Variants in ZNF274 observed in about 807,000 individuals in gnomAD.
The protein encoded by ZNF274 is zinc finger protein 274, also known as neurotrophin receptor-interacting factor homolog.
Under a neutral mutation model 42.5 loss-of-function variants are expected in ZNF274, and 23 were observed. The observed-to-expected ratio is 0.54, with a 90% CI of 0.39 to 0.77. ZNF274 has a LOEUF of 0.77. Ranked by LOEUF, ZNF274 falls within the 30% of genes least tolerant of loss-of-function variation. The probability of loss-of-function intolerance (pLI) is 0.00; values close to 1 mark genes in which losing one functional copy is unlikely to be tolerated. For synonymous variants in ZNF274, 292 were observed against 305.4 expected (o/e 0.96, Z 0.46); for missense variants, 679 against 806.5 (o/e 0.84, Z 1.91).
chr19:58,211,747 AG>A lies in ZNF274; in HGVS notation c.979+65del. The A allele has an allele frequency of 6.4e-7, 1 of 1,561,300 alleles. No homozygotes were observed. Among genetic ancestry groups the A allele is most frequent in the Non-Finnish European group, 8.7e-7 (1 of 1,151,806 alleles). On this transcript the variant is annotated intron_variant, in intron 7 of 7. Transcript: ENST00000617501. This position sits in a 1 kb window ranked among gnomAD's most constrained non-coding sequence, Gnocchi z 4.8. ...TGGTAGGCCACAGGAGCCCCAAGTC[AG>A]GGGTGTTCACCTTCTCTAGACTCCA...
Position 58,210,046 on chromosome 19 carries a change from C to T in ZNF274, c.825C>T (p.Ala275=). 1 of 1,613,796 alleles carries T rather than the reference C, an allele frequency of 6.2e-7. No individual in the cohort carries two copies. Among genetic ancestry groups the T allele is most frequent in the Middle Eastern group, 1.7e-4 (1 of 6,046 alleles). The change falls in exon 6 of 8, where the codon GCC becomes GCT. Residue 275 remains alanine, a synonymous_variant. Transcript: ENST00000617501. ...AQQEEKQEDA[A]ICPVTVLPEE... is the part of the protein sequence containing the mutation. ...AGGAGGAGAAGCAGGAGGATGCAGC[C>T]ATCTGCCCAGTGACAGTGCTCCCTG...
rs200982136 is a variant in ZNF274, at chr19:58,188,658, A to ATGTGTGTG, written c.256+1628_256+1635dup. Among the ~76,000 whole-genome samples the ATGTGTGTG allele has an allele frequency of 4.2e-3, 437 of 102,860 alleles. 1 individual carries two copies. The highest frequency in any genetic ancestry group is 5.9e-3 in the Non-Finnish European group (330 of 56,002). 67.5% of individuals were successfully genotyped at this position (102,860 alleles called of 152,430 possible). On this transcript the variant is annotated intron_variant, in intron 4 of 7. Transcript: ENST00000617501. ...ATATATATATATATGTAAAAAATAG[A>ATGTGTGTG]TGTGTGTGTGTGTGTGTGTATATAT...
At chr19:58,193,295 C>T (rs538024315) in intron 4 of ZNF274, among the ~76,000 whole-genome samples, 392 of 148,652 alleles carry the variant, frequency 2.6e-3, no homozygotes, top group Non-Finnish European at 4.3e-3. Flanking sequence ...TACAGGCGCC[C>T]GCCACCACGC....
At chr19:58,195,709 G>A (rs1031318705) in intron 4 of ZNF274, among the ~76,000 whole-genome samples, 4 of 152,144 alleles carry the variant, frequency 2.6e-5, no homozygotes, top group East Asian at 1.9e-4. Flanking sequence ...CAGTTTTTCC[G>A]TGGACCTTGG....
intron 4 of ZNF274, among the ~76,000 whole-genome samples, chr19:58,195,645 G>A (rs2075833077): frequency 6.6e-6 from 1 of 152,182 alleles, no homozygotes; most frequent in East Asian, 1.9e-4. Context: ...AAGAATGGCA[G>A]TCAAGTCAGC....
At chr19:58,209,751 G>A (rs1334418562) in intron 5 of ZNF274, 5 of 483,038 alleles carry the variant, frequency 1.0e-5, no homozygotes, top group Admixed American at 3.7e-5. Flanking sequence ...TGGAGGGTGA[G>A]CCATCCCGGG....
intron 4 of ZNF274, among the ~76,000 whole-genome samples, chr19:58,193,304 G>T (rs1047016779): frequency 7.3e-5 from 11 of 151,402 alleles, no homozygotes; most frequent in African/African-American, 2.7e-4. Flanking sequence ...CCGCCACCAC[G>T]CCCAGCTAAA....
At chr19:58,194,359 T>A (rs1482859502) in intron 4 of ZNF274, among the ~76,000 whole-genome samples, 1 of 150,368 alleles carries the variant, frequency 6.7e-6, no homozygotes, top group Non-Finnish European at 1.5e-5. Context: ...TTTTTTGTGT[T>A]TTGTTTTTTA....
At position 58,211,744 on chromosome 19, in the gene ZNF274, G is replaced by A; in HGVS notation, c.979+58G>A. 2.6e-6 allele frequency: 4 copies of A among 1,564,476 alleles called. No individual in the cohort carries two copies. The Admixed American group carries it at 7.3e-5, about 29-fold the overall frequency. ...GGCTGGTAGGCCACAGGAGCCCCAA[G>A]TCAGGGGTGTTCACCTTCTCTAGAC... On this transcript the variant is annotated intron_variant, in intron 7 of 7. Coordinates refer to ENST00000617501, the MANE Select transcript of ZNF274 (RefSeq NM_133502.3). This position sits in a 1 kb window ranked among gnomAD's most constrained non-coding sequence, Gnocchi z 4.8.
At position 58,188,694 on chromosome 19, in the gene ZNF274, G is replaced by GTATATATATATATATATA. The variant is rs71925177; in HGVS notation, c.256+1665_256+1682dup. Reference sequence around the variant, plus strand: ...TGTGTGTGTATATATATATGTATATGTATATATATATATATATATATATAT... The same window carrying GTATATATATATATATATA: ...TGTGTGTGTATATATATATGTATATGTATATATATATATATATATATATATATATATATATATATATAT... On this transcript the variant is annotated intron_variant, in intron 4 of 7. Transcript: ENST00000617501. Among the ~76,000 whole-genome samples, 193 of 74,594 alleles carry GTATATATATATATATATA rather than the reference G, an allele frequency of 2.6e-3. 1 individual carries two copies. The highest frequency in any genetic ancestry group is 3.5e-3 in the Non-Finnish European group (140 of 39,858). 48.9% of individuals were successfully genotyped at this position (74,594 alleles called of 152,430 possible).
chr19:58,204,558 C>A (rs1164390621), intron 4 of ZNF274, among the ~76,000 whole-genome samples: 1 of 152,110 alleles, frequency 6.6e-6, no homozygotes, highest in Non-Finnish European at 1.5e-5. Context: ...GGCTTCCGGG[C>A]TCTGAAAGAT....
chr19:58,213,060 G>A lies in ZNF274; in HGVS notation c.1879G>A (p.Ala627Thr), dbSNP rs2076062466. 6.2e-7 allele frequency: 1 copy of A among 1,613,932 alleles called. No individual in the cohort carries two copies. The highest frequency in any genetic ancestry group is 1.7e-5 in the Admixed American group (1 of 59,996). Residue 627 changes from alanine (A) to threonine (T), a missense_variant, in exon 8 of 8, where the codon GCC becomes ACC. Coordinates refer to ENST00000617501, the MANE Select transcript of ZNF274 (RefSeq NM_133502.3). The stretch of plus-strand genomic sequence containing the variant: ...ATATGCATGCAACAAATGTGGAAAG[G>A]CCTTCACCCAGAGCTCACACCTTAT... ...RPYACNKCGKAFTQSSHLIGH... is the reference protein window; with the variant it reads ...RPYACNKCGKTFTQSSHLIGH...
chr19:58,192,980 G>A (rs1037516503), intron 4 of ZNF274, among the ~76,000 whole-genome samples: 8 of 151,856 alleles, frequency 5.3e-5, no homozygotes, highest in African/African-American at 1.7e-4. Context: ...TCCTCCCCGC[G>A]TCAGTTTCCC....
chr19:58,209,914 A>C (rs1179616910), intron 5 of ZNF274, 47 bp from the exon 6 acceptor site: 3 of 1,465,200 alleles, frequency 2.0e-6, no homozygotes, highest in Non-Finnish European at 2.8e-6. Context: ...GCCCTGCCTA[A>C]GGGTCCCCAC....
At chr19:58,194,132 GCAGGAGGATCACTT>G (rs1423277189) in intron 4 of ZNF274, among the ~76,000 whole-genome samples, 1 of 151,996 alleles carries the variant, frequency 6.6e-6, no homozygotes, top group African/African-American at 2.4e-5. Context: ...GGGTGTGGAG[GCAGGAGGATCACTT>G]CAGCCTGGGA....
At chr19:58,198,337 TTATG>T (rs1405258467) in intron 4 of ZNF274, among the ~76,000 whole-genome samples, 2 of 152,214 alleles carry the variant, frequency 1.3e-5, no homozygotes, top group Non-Finnish European at 2.9e-5. Context: ...AGCAACCTCT[TTATG>T]TATTGATTTG....
chr19:58,213,306 T>C lies in ZNF274; in HGVS notation c.*163T>C, dbSNP rs2076066218. The C allele has an allele frequency of 1.3e-6, 1 of 777,570 alleles. No homozygotes were observed. The highest frequency in any genetic ancestry group is 1.7e-5 in the African/African-American group (1 of 58,170). 48.2% of individuals were successfully genotyped at this position (777,570 alleles called of 1,614,324 possible). Reference sequence around the variant, plus strand: ...AGGAGACTGCCCAGCACATAATGAATAAATAAGAAAATGAGTGAGGAGTTA... The same window carrying C: ...AGGAGACTGCCCAGCACATAATGAACAAATAAGAAAATGAGTGAGGAGTTA... On this transcript the variant is annotated 3_prime_UTR_variant, in exon 8 of 8. Transcript: ENST00000617501.
At chr19:58,201,717 A>G (rs1487619547) in intron 4 of ZNF274, among the ~76,000 whole-genome samples, 1 of 151,726 alleles carries the variant, frequency 6.6e-6, no homozygotes, top group East Asian at 2.0e-4. Context: ...GGGTTTCACC[A>G]TATTGGCCAG....
At chr19:58,209,853 A>T in intron 5 of ZNF274, 108 bp from the exon 6 acceptor site, 1 of 652,672 alleles carries the variant, frequency 1.5e-6, no homozygotes, top group Non-Finnish European at 2.6e-6. Context: ...ATGGAGCCAC[A>T]GTACGATGCA....
Sources: allele counts gnomAD v4.1 joint callset (sites outside exome capture counted in the v4.1 genomes callset), GRCh38; gene constraint gnomAD v4.1.1; non-coding constraint Gnocchi (gnomAD v3.1); transcripts MANE v1.5; gene names NCBI Gene and HGNC (gene_info 2026-07-23, HGNC 2026-07-21).